GPC6: variants seen among roughly 807,000 people sequenced by gnomAD.
GPC6 encodes the protein glypican-6.
GPC6 carries 14 observed loss-of-function variants against 55.2 expected under a neutral mutation model. The ratio of observed to expected loss-of-function variants is 0.25; its 90% CI spans 0.17 to 0.40. The LOEUF (loss-of-function observed/expected upper bound fraction) is 0.40, where lower values mean the gene tolerates loss of function less well. GPC6 is among the 10% of genes least tolerant of loss of function. The pLI is 1.00. For missense variants in GPC6, 641 were observed against 708.5 expected (o/e 0.90, Z 1.08); for synonymous variants, 278 against 259.6 (o/e 1.07, Z -0.68).
intron 2 of GPC6, among the ~76,000 whole-genome samples, chr13:93,818,246 A>G (rs990701286): frequency 1.3e-5 from 2 of 151,806 alleles, no homozygotes; most frequent in Non-Finnish European, 2.9e-5. Context: ...GCTCTTATTT[A>G]GACATCTGTG....
chr13:94,289,865 T>C (rs900868134), intron 5 of GPC6, among the ~76,000 whole-genome samples: 1 of 152,112 alleles, frequency 6.6e-6, no homozygotes, highest in Non-Finnish European at 1.5e-5. Flanking sequence ...AATAATACGG[T>C]TTTATGGAAT....
At chr13:93,709,683 T>C (rs2138806575) in intron 2 of GPC6, among the ~76,000 whole-genome samples, 1 of 151,912 alleles carries the variant, frequency 6.6e-6, no homozygotes, top group East Asian at 2.0e-4. Flanking sequence ...TGTTTCATCA[T>C]TATTGGAAAA....
intron 1 of GPC6, among the ~76,000 whole-genome samples, chr13:93,498,233 C>G (rs971925624): frequency 6.6e-6 from 1 of 152,198 alleles, no homozygotes; most frequent in Non-Finnish European, 1.5e-5. Context: ...CCAGCTCTGG[C>G]CTTTGGATGT....
At chr13:93,646,809 G>T (rs1435358130) in intron 2 of GPC6, among the ~76,000 whole-genome samples, 1 of 151,568 alleles carries the variant, frequency 6.6e-6, no homozygotes, top group African/African-American at 2.4e-5. Context: ...GATGTCTGTG[G>T]TGGAATGAAG....
intron 2 of GPC6, among the ~76,000 whole-genome samples, chr13:93,786,979 C>A (rs1279849094): frequency 2.6e-5 from 4 of 152,182 alleles, no homozygotes; most frequent in Non-Finnish European, 5.9e-5. Flanking sequence ...CAGCAAATCA[C>A]TTCCTATTGT....
intron 1 of GPC6, among the ~76,000 whole-genome samples, chr13:93,528,868 A>G (rs1881755103): frequency 1.3e-5 from 2 of 152,208 alleles, no homozygotes; most frequent in Non-Finnish European, 2.9e-5. Flanking sequence ...ACTTTCAAGG[A>G]GGACATCTTG....
rs530919425 is a variant in GPC6, at chr13:94,251,434, G to A, written c.878-34915G>A. On this transcript the variant is annotated intron_variant, in intron 4 of 8. Transcript: ENST00000377047. Reference sequence around the variant, plus strand: ...ATATACCTATGTAACAAACCTGCACGTTCTGCACTTGTATCCCAGAACTTA... The same window carrying A: ...ATATACCTATGTAACAAACCTGCACATTCTGCACTTGTATCCCAGAACTTA... Among the ~76,000 whole-genome samples the A allele has an allele frequency of 2.6e-4, 38 of 146,920 alleles. No individual in the cohort carries two copies. In the South Asian group the frequency reaches 7.5e-3, roughly 29 times the overall value.
chr13:93,402,596 C>T (rs551250652), intron 1 of GPC6, among the ~76,000 whole-genome samples: 9 of 152,200 alleles, frequency 5.9e-5, no homozygotes, highest in Non-Finnish European at 8.8e-5. Flanking sequence ...GTGTCCTTAG[C>T]GCTACACCGT....
intron 2 of GPC6, among the ~76,000 whole-genome samples, chr13:93,784,213 A>G (rs1377845213): frequency 1.3e-5 from 2 of 152,168 alleles, no homozygotes; most frequent in African/African-American, 4.8e-5. Flanking sequence ...TTTATTCATG[A>G]CCAAGACAGA....
intron 1 of GPC6, among the ~76,000 whole-genome samples, chr13:93,492,800 C>T (rs1021766607): frequency 6.7e-6 from 1 of 150,336 alleles, no homozygotes; most frequent in African/African-American, 2.4e-5. Context: ...TTGTCTTTGG[C>T]TCTGTTTATA....
chr13:94,312,718 ACG>A (rs56025007), intron 6 of GPC6, among the ~76,000 whole-genome samples: 1 of 143,328 alleles, frequency 7.0e-6, no homozygotes, highest in African/African-American at 2.9e-5. Context: ...GCACACGCGC[ACG>A]CACACACACA....
intron 2 of GPC6, among the ~76,000 whole-genome samples, chr13:93,694,057 A>G (rs1051899232): frequency 2.5e-4 from 38 of 152,312 alleles, no homozygotes; most frequent in Non-Finnish European, 8.8e-5. Flanking sequence ...CATGCCTGAT[A>G]TAATTATACA....
intron 3 of GPC6, among the ~76,000 whole-genome samples, chr13:93,898,263 C>T (rs1324915670): frequency 1.3e-5 from 2 of 152,068 alleles, no homozygotes; most frequent in African/African-American, 4.8e-5. Context: ...GTATTGACAC[C>T]ATAATGGTGC....
intron 1 of GPC6, among the ~76,000 whole-genome samples, chr13:93,469,938 A>G (rs773675974): frequency 1.3e-5 from 2 of 152,092 alleles, no homozygotes; most frequent in African/African-American, 4.8e-5. Flanking sequence ...TTGGGGGAGT[A>G]TGTTTATTTC....
intron 1 of GPC6, among the ~76,000 whole-genome samples, chr13:93,431,556 A>G (rs1594164978): frequency 6.6e-6 from 1 of 152,184 alleles, no homozygotes; most frequent in East Asian, 1.9e-4. Context: ...GTCAGGAGAC[A>G]AAAATCTAGC....
intron 4 of GPC6, among the ~76,000 whole-genome samples, chr13:94,034,717 A>G (rs1022356703): frequency 2.0e-5 from 3 of 152,096 alleles, no homozygotes; most frequent in African/African-American, 7.2e-5. Flanking sequence ...AATTAATAAT[A>G]GTAATTGTTC....
chr13:93,350,204 GC>G (rs1880583444), intron 1 of GPC6, among the ~76,000 whole-genome samples: 1 of 152,152 alleles, frequency 6.6e-6, no homozygotes. Context: ...GAAGGCTAAG[GC>G]GGGTGGATCA....
chr13:93,961,074 A>G (rs1217837243), intron 3 of GPC6, among the ~76,000 whole-genome samples: 1 of 152,030 alleles, frequency 6.6e-6, no homozygotes, highest in Non-Finnish European at 1.5e-5. Context: ...TTGGCCTCCC[A>G]AAGTGCTGGG....
At chr13:94,274,250 C>T (rs1009672777) in intron 4 of GPC6, among the ~76,000 whole-genome samples, 11 of 152,174 alleles carry the variant, frequency 7.2e-5, no homozygotes, top group Non-Finnish European at 1.6e-4. Flanking sequence ...AAATAAGCCT[C>T]TTTGTTTGCA....
Sources: allele counts gnomAD v4.1 joint callset (sites outside exome capture counted in the v4.1 genomes callset), GRCh38; gene constraint gnomAD v4.1.1; transcripts MANE v1.5; gene names NCBI Gene and HGNC (gene_info 2026-07-23, HGNC 2026-07-21).